Variants in OR4F15 observed in about 807,000 individuals in gnomAD.
OR4F15 encodes the protein olfactory receptor family 4 subfamily F member 15, also known as olfactory receptor 4F15.
Under a neutral mutation model 11.9 loss-of-function variants are expected in OR4F15, and 7 were observed. The observed-to-expected ratio is 0.59, with a 90% CI of 0.33 to 1.10. The LOEUF is 1.10. Among genes scored for constraint, OR4F15 ranks in the 50% least tolerant of loss-of-function variants. The probability of loss-of-function intolerance (pLI) is 0.03; values close to 1 mark genes in which losing one functional copy is unlikely to be tolerated. For missense variants in OR4F15, 445 were observed against 377.5 expected (o/e 1.18, Z -1.48); for synonymous variants, 151 against 134.6 (o/e 1.12, Z -0.84).
Position 101,818,981 on chromosome 15 carries a change from A to T in OR4F15, c.795A>T (p.Ser265=). 2 of 1,613,990 alleles carry T rather than the reference A, an allele frequency of 1.2e-6. No individual in the cohort carries two copies. Among genetic ancestry groups the T allele is most frequent in the South Asian group, 2.2e-5 (2 of 91,072 alleles). ...MFFYTWPSPT[S]HLDKYLAIFD... is the part of the protein sequence containing the mutation. ...TCTACACATGGCCTTCTCCCACATCACACCTGGATAAATATCTTGCTATTT... is the reference window on the plus strand; with the variant it reads ...TCTACACATGGCCTTCTCCCACATCTCACCTGGATAAATATCTTGCTATTT... The change falls in exon 2 of 2, where the codon TCA becomes TCT. Residue 265 remains serine (S), a synonymous_variant. Transcript: ENST00000332238.
intron 1 of OR4F15, among the ~76,000 whole-genome samples, chr15:101,814,475 T>G (rs1419531548): frequency 6.6e-6 from 1 of 152,198 alleles, no homozygotes; most frequent in Non-Finnish European, 1.5e-5. Flanking sequence ...AACAAGGGAC[T>G]TTAGTATCTT....
chr15:101,815,106 T>G (rs1902966846), intron 1 of OR4F15, among the ~76,000 whole-genome samples: 1 of 152,172 alleles, frequency 6.6e-6, no homozygotes, highest in South Asian at 2.1e-4. Flanking sequence ...CAGTTTATAG[T>G]TCAGGTCATG....
Position 101,818,975 on chromosome 15 carries a change from C to G in OR4F15, c.789C>G (p.Pro263=). ...PLMFFYTWPS[P]TSHLDKYLAI... ...TGTTTTTCTACACATGGCCTTCTCC[C>G]ACATCACACCTGGATAAATATCTTG... Residue 263 remains proline, a synonymous_variant, in exon 2 of 2, where the codon CCC becomes CCG. Transcript: ENST00000332238. 6.2e-7 allele frequency: 1 copy of G among 1,614,126 alleles called. No individual in the cohort carries two copies. The highest frequency in any genetic ancestry group is 8.5e-7 in the Non-Finnish European group (1 of 1,180,004).
rs118145209 is a variant in OR4F15 at position 101,817,290 on chromosome 15, A to G, written c.-37-860A>G. On this transcript the variant is annotated intron_variant, in intron 1 of 1. Transcript: ENST00000332238. ...GATAATTCCTGACTGGCATGCTGTT[A>G]ATATACTATTAATATAAACCTTACT... is the stretch of plus-strand genomic sequence containing the variant. Among the ~76,000 whole-genome samples the G allele has an allele frequency of 3.4e-4, 52 of 152,326 alleles. 1 individual carries two copies. In the East Asian group the frequency reaches 9.6e-3, roughly 28 times the overall value.
At position 101,819,377 on chromosome 15, in the gene OR4F15, A is replaced by T; in HGVS notation, c.*252A>T. 1 of 429,860 alleles carries T rather than the reference A, an allele frequency of 2.3e-6. No individual in the cohort carries two copies. Among genetic ancestry groups the T allele is most frequent in the Non-Finnish European group, 4.1e-6 (1 of 244,240 alleles). 26.6% of individuals were successfully genotyped at this position (429,860 alleles called of 1,614,324 possible). The stretch of plus-strand genomic sequence containing the variant: ...ACTTTGAAAGACCTTGTTCTAGGTG[A>T]GTGCCATGTAATTGAACAAATAACA... On this transcript the variant is annotated 3_prime_UTR_variant, in exon 2 of 2. Transcript: ENST00000332238.
At position 101,820,057 on chromosome 15, in the gene OR4F15, A is replaced by G. The variant is rs1256482059; in HGVS notation, c.*932A>G. 2 of 152,264 alleles carry G rather than the reference A, an allele frequency of 1.3e-5. No individual in the cohort carries two copies. The highest frequency in any genetic ancestry group is 2.9e-5 in the Non-Finnish European group (2 of 68,028). 9.4% of individuals were successfully genotyped at this position (152,264 alleles called of 1,614,324 possible). The stretch of plus-strand genomic sequence containing the variant: ...AATTGAGCAGTGACTAGTTTGCCCA[A>G]AGGCACATAGCTGGAAACCATCAAA... On this transcript the variant is annotated 3_prime_UTR_variant, in exon 2 of 2. Transcript: ENST00000332238.
chr15:101,818,936 C>A lies in OR4F15; in HGVS notation c.750C>A (p.Phe250Leu). The change falls in exon 2 of 2, where the codon TTC becomes TTA. Residue 250 changes from phenylalanine to leucine, a missense_variant. Coordinates refer to ENST00000332238, the MANE Select transcript of OR4F15 (RefSeq NM_001001674.2). ...CTCATGTCACTGTGGTCATCTTGTT[C>A]TTTGGGCCACTGATGTTTTTCTACA... is the stretch of plus-strand genomic sequence containing the variant. The part of the protein sequence containing the change: ...LSAHVTVVIL[F>L]FGPLMFFYTW... 11 of 1,614,096 alleles carry A rather than the reference C, an allele frequency of 6.8e-6. No homozygotes were observed. Among genetic ancestry groups the A allele is most frequent in the Non-Finnish European group, 9.3e-6 (11 of 1,179,994 alleles).
At chr15:101,817,453 T>A (rs1903009102) in intron 1 of OR4F15, among the ~76,000 whole-genome samples, 1 of 152,194 alleles carries the variant, frequency 6.6e-6, no homozygotes, top group Admixed American at 6.5e-5. Flanking sequence ...TGGTGGGAGC[T>A]ACCGTTGTGG....
chr15:101,814,511 C>G (rs1902957816), intron 1 of OR4F15, among the ~76,000 whole-genome samples: 1 of 152,094 alleles, frequency 6.6e-6, no homozygotes, highest in Non-Finnish European at 1.5e-5. Context: ...AACTCTAATG[C>G]TGCAGTTTTT....
chr15:101,819,066 A>G lies in OR4F15; in HGVS notation c.880A>G (p.Met294Val), dbSNP rs1377312937. The change falls in exon 2 of 2, where the codon ATG becomes GTG. Residue 294 changes from methionine (M) to valine (V), a missense_variant. Physicochemically the swap from Met to Val is conservative, Grantham distance 21 (BLOSUM62 1). Transcript: ENST00000332238. ...TATCTACACATTCAGGAACAAAGAC[A>G]TGAAAGTGGCAATGAGGAGACTGTG... The part of the protein sequence containing the change: ...PVIYTFRNKD[M>V]KVAMRRLCSR... 3.1e-6 allele frequency: 5 copies of G among 1,614,008 alleles called. No individual in the cohort carries two copies. Among genetic ancestry groups the G allele is most frequent in the Non-Finnish European group, 4.2e-6 (5 of 1,179,958 alleles).
chr15:101,816,351 C>T (rs143592490), intron 1 of OR4F15, among the ~76,000 whole-genome samples: 113 of 152,210 alleles, frequency 7.4e-4, no homozygotes, highest in African/African-American at 2.3e-3. Context: ...AGGCAAGAAA[C>T]GGATTCTTTT....
At position 101,819,244 on chromosome 15, in the gene OR4F15, T is replaced by A; in HGVS notation, c.*119T>A. On this transcript the variant is annotated 3_prime_UTR_variant, in exon 2 of 2. Transcript: ENST00000332238. ...GCCATACTATATGCCTGAAAATTTA[T>A]GAAATCATGGTAACAATTTCACCAT... 1.5e-6 allele frequency: 1 copy of A among 655,334 alleles called. No individual in the cohort carries two copies. The allele number at this position is 655,334 out of a possible 1,614,324, so 40.6% of individuals were successfully genotyped here.
In OR4F15 at chr15:101,818,262, C is replaced by A; in HGVS notation, c.76C>A (p.Leu26Ile). The A allele has an allele frequency of 1.2e-6, 2 of 1,614,008 alleles. No homozygotes were observed. The highest frequency in any genetic ancestry group is 1.7e-6 in the Non-Finnish European group (2 of 1,179,912). Residue 26 changes from leucine (L) to isoleucine (I), a missense_variant, in exon 2 of 2, where the codon CTA (leucine) becomes ATA (isoleucine). Transcript: ENST00000332238. ...GLTNSREIQL[L>I]LFVFSLLFYF... ...CACCAACTCACGGGAGATTCAGCTT[C>A]TACTTTTTGTTTTCTCTTTGTTGTT...
At chr15:101,814,972 A>G (rs1371944987) in intron 1 of OR4F15, among the ~76,000 whole-genome samples, 14 of 152,168 alleles carry the variant, frequency 9.2e-5, no homozygotes, top group Admixed American at 9.2e-4. Context: ...ACTTCACAGC[A>G]TATTTTTATT....
Position 101,818,322 on chromosome 15 carries a change from G to GTA in OR4F15, c.138_139dup (p.Phe47TyrfsTer4), listed in dbSNP as rs780618421. 9.3e-6 allele frequency: 15 copies of GTA among 1,614,046 alleles called. No individual in the cohort carries two copies. The Admixed American group carries it at 2.0e-4, about 22-fold the overall frequency. On this transcript the variant is annotated frameshift_variant, in exon 2 of 2. Transcript: ENST00000332238. LOFTEE classifies it high-confidence loss of function. Reference sequence around the variant, plus strand: ...GAGCATGATGGGAAACCTTGTCATTGTATTCACTGTAACCATGGATGCTCA... The same window carrying GTA: ...GAGCATGATGGGAAACCTTGTCATTGTATATTCACTGTAACCATGGATGCTCA...
At position 101,819,187 on chromosome 15, in the gene OR4F15, A is replaced by G; in HGVS notation, c.*62A>G. 8.8e-7 allele frequency: 1 copy of G among 1,131,938 alleles called. No individual in the cohort carries two copies. Among genetic ancestry groups the G allele is most frequent in the Non-Finnish European group, 1.2e-6 (1 of 803,286 alleles). The allele number at this position is 1,131,938 out of a possible 1,614,324, so 70.1% of individuals were successfully genotyped here. ...TCCTCATGCTGATTGCATAAAAGAA[A>G]CTGCAATTTCAGAGAAATACTGAAG... On this transcript the variant is annotated 3_prime_UTR_variant, in exon 2 of 2. Coordinates refer to ENST00000332238, the MANE Select transcript of OR4F15 (RefSeq NM_001001674.2).
chr15:101,819,341 T>C lies in OR4F15; in HGVS notation c.*216T>C. 1 of 499,224 alleles carries C rather than the reference T, an allele frequency of 2.0e-6. No individual in the cohort carries two copies. The highest frequency in any genetic ancestry group is 1.9e-5 in the African/African-American group (1 of 52,002). 30.9% of individuals were successfully genotyped at this position (499,224 alleles called of 1,614,324 possible). A position where few individuals can be genotyped will look rare whatever the true frequency, so the allele number is the denominator to read the frequency against. On this transcript the variant is annotated 3_prime_UTR_variant, in exon 2 of 2. Coordinates refer to ENST00000332238, the MANE Select transcript of OR4F15 (RefSeq NM_001001674.2). ...CTAAATATTAAATCTTAATGTCTTT[T>C]GTAACCTACCACTTTGAAAGACCTT...
chr15:101,817,547 T>TA (rs1903011627), intron 1 of OR4F15, among the ~76,000 whole-genome samples: 1 of 152,182 alleles, frequency 6.6e-6, no homozygotes, highest in African/African-American at 2.4e-5. Flanking sequence ...CAGAGTAAAA[T>TA]AAATGCTAAT....
intron 1 of OR4F15, among the ~76,000 whole-genome samples, chr15:101,815,327 A>T (rs774564788): frequency 2.0e-5 from 3 of 152,196 alleles, no homozygotes; most frequent in Non-Finnish European, 4.4e-5. Flanking sequence ...GAATAAGCCA[A>T]CAAATCTCCC....
Sources: gnomAD v4.1 joint callset for allele counts (sites outside exome capture counted in the v4.1 genomes callset) on GRCh38, gnomAD v4.1.1 for gene constraint, MANE v1.5 for transcripts, NCBI Gene and HGNC (gene_info 2026-07-23, HGNC 2026-07-21) for gene names.